Variants in PDE11A observed in about 807,000 individuals in gnomAD.
PDE11A encodes the protein phosphodiesterase 11A, also known as dual 3',5'-cyclic-AMP and -GMP phosphodiesterase 11A.
In PDE11A, 100 loss-of-function variants were observed where a neutral mutation model predicts 100.5. That is an observed-to-expected ratio of 1.00 (90% CI 0.85 to 1.18). The LOEUF (loss-of-function observed/expected upper bound fraction) is 1.18. Ranked by LOEUF, PDE11A falls within the 50% of genes most tolerant of loss-of-function variation. The pLI is 0.00. For missense variants in PDE11A, 1,141 were observed against 1,152.6 expected (o/e 0.99, Z 0.15); for synonymous variants, 381 against 420.8 (o/e 0.91, Z 1.16).
At chr2:177,730,331 G>A (rs1248722808) in intron 10 of PDE11A, among the ~76,000 whole-genome samples, 1 of 151,936 alleles carries the variant, frequency 6.6e-6, no homozygotes, top group African/African-American at 2.4e-5. Context: ...GCGGTGTTTG[G>A]TTGTAAGCCC....
At chr2:177,980,040 T>G (rs1347014891) in intron 2 of PDE11A, among the ~76,000 whole-genome samples, 2 of 150,654 alleles carry the variant, frequency 1.3e-5, no homozygotes, top group Non-Finnish European at 3.0e-5. Context: ...CAGTTGACAG[T>G]GCTGATAGCC....
chr2:178,044,875 C>A (rs1488633319), intron 1 of PDE11A, among the ~76,000 whole-genome samples: 1 of 152,066 alleles, frequency 6.6e-6, no homozygotes, highest in Non-Finnish European at 1.5e-5. Flanking sequence ...ATGTTATACC[C>A]CACTCCACTT....
At chr2:177,836,812 T>G (rs890785133) in intron 6 of PDE11A, among the ~76,000 whole-genome samples, 1 of 152,058 alleles carries the variant, frequency 6.6e-6, no homozygotes, top group Non-Finnish European at 1.5e-5. Context: ...CCTGAAGAGC[T>G]GTAACACTCA....
intron 9 of PDE11A, among the ~76,000 whole-genome samples, chr2:177,769,604 A>T (rs1392867702): frequency 6.6e-6 from 1 of 152,080 alleles, no homozygotes; most frequent in Non-Finnish European, 1.5e-5. Context: ...CAAAAGGACA[A>T]TGGCCAGGTG....
intron 1 of PDE11A, among the ~76,000 whole-genome samples, chr2:178,034,545 TCTC>T (rs1574356560): frequency 1.3e-5 from 2 of 152,094 alleles, no homozygotes; most frequent in East Asian, 3.9e-4. Flanking sequence ...TCTACAGAAC[TCTC>T]CACCCCAAAT....
At chr2:178,002,243 G>T (rs1574334730) in intron 2 of PDE11A, among the ~76,000 whole-genome samples, 1 of 152,160 alleles carries the variant, frequency 6.6e-6, no homozygotes, top group African/African-American at 2.4e-5. Flanking sequence ...CAAAGGATAT[G>T]ATTTCATTCT....
At chr2:177,866,069 C>T (rs62183371) in intron 5 of PDE11A, among the ~76,000 whole-genome samples, 31,912 of 152,046 alleles carry the variant, frequency 0.21, 3,515 homozygotes, top group Middle Eastern at 0.27. Context: ...ATGATAATTA[C>T]GCTGCCAAGT....
At chr2:177,819,868 T>TCTCTCTCTCTCTCTCTCTCTCTC (rs60332687) in intron 7 of PDE11A, among the ~76,000 whole-genome samples, 1 of 139,098 alleles carries the variant, frequency 7.2e-6, no homozygotes, top group African/African-American at 2.8e-5. Flanking sequence ...CTTTCTCTCT[T>TCTCTCTCTCTCTCTCTCTCTCTC]TCTCTCTCTC....
intron 1 of PDE11A, among the ~76,000 whole-genome samples, chr2:178,046,664 T>A (rs1449689456): frequency 6.6e-6 from 1 of 152,150 alleles, no homozygotes; most frequent in Non-Finnish European, 1.5e-5. Flanking sequence ...GACTTAAACA[T>A]GGTTGGCTTT....
chr2:178,013,174 G>C (rs1341907746), intron 2 of PDE11A, among the ~76,000 whole-genome samples: 2 of 152,152 alleles, frequency 1.3e-5, no homozygotes, highest in African/African-American at 2.4e-5. Flanking sequence ...CAGCCTGTCT[G>C]AGAACAACTT....
intron 5 of PDE11A, among the ~76,000 whole-genome samples, chr2:177,863,529 A>G (rs1024644857): frequency 4.6e-5 from 7 of 152,098 alleles, no homozygotes; most frequent in Non-Finnish European, 1.0e-4. Flanking sequence ...AAAAATCAGA[A>G]TAGACATTTC....
intron 17 of PDE11A, 111 bp downstream of exon 17, chr2:177,675,344 G>A: frequency 3.8e-6 from 3 of 791,578 alleles, no homozygotes; most frequent in Non-Finnish European, 6.7e-6. Flanking sequence ...TAATACTGAT[G>A]CAAATTGACT....
chr2:177,853,635 CATATATATATATATATATAT>C (rs371434526), intron 5 of PDE11A, among the ~76,000 whole-genome samples: 6,617 of 36,374 alleles, frequency 0.18, 549 homozygotes, highest in Non-Finnish European at 0.24. Flanking sequence ...ACAAGTCCTG[CATATATATATATATATATAT>C]ATATATATAT....
chr2:177,850,687 A>G (rs1408675286), intron 5 of PDE11A, among the ~76,000 whole-genome samples: 2 of 152,234 alleles, frequency 1.3e-5, no homozygotes, highest in East Asian at 3.8e-4. Flanking sequence ...ACAAATTTAC[A>G]AGAAAAAAAC....
At chr2:177,906,779 C>G (rs1490366802) in intron 2 of PDE11A, among the ~76,000 whole-genome samples, 1 of 152,124 alleles carries the variant, frequency 6.6e-6, no homozygotes, top group Non-Finnish European at 1.5e-5. Flanking sequence ...ATAAAGCTGC[C>G]AGATATTCCA....
At chr2:177,723,886 CA>C (rs2081564295) in intron 12 of PDE11A, among the ~76,000 whole-genome samples, 2 of 152,144 alleles carry the variant, frequency 1.3e-5, no homozygotes, top group South Asian at 4.1e-4. Context: ...TTACAGAATA[CA>C]AACAAAAGCA....
chr2:177,674,017 G>A (rs532230762), intron 17 of PDE11A, among the ~76,000 whole-genome samples: 2 of 152,292 alleles, frequency 1.3e-5, no homozygotes, highest in African/African-American at 2.4e-5. Context: ...AAGCCACTAA[G>A]ATCTTGGGTA....
intron 9 of PDE11A, among the ~76,000 whole-genome samples, chr2:177,814,507 G>C (rs903358170): frequency 1.3e-5 from 2 of 152,158 alleles, no homozygotes; most frequent in Non-Finnish European, 2.9e-5. Context: ...AGTTGGCTGA[G>C]AGTGGAAGCG....
intron 2 of PDE11A, among the ~76,000 whole-genome samples, chr2:178,102,720 G>T (rs900973104): frequency 3.9e-5 from 6 of 151,998 alleles, no homozygotes; most frequent in African/African-American, 7.3e-5. Flanking sequence ...CACCATGTTT[G>T]GCCAATTATG....
Sources: allele counts gnomAD v4.1 joint callset (sites outside exome capture counted in the v4.1 genomes callset), GRCh38; gene constraint gnomAD v4.1.1; transcripts MANE v1.5; gene names NCBI Gene and HGNC (gene_info 2026-07-23, HGNC 2026-07-21).